WDR70: variants seen among roughly 807,000 people sequenced by gnomAD.
The protein encoded by WDR70 is WD repeat domain 70, also known as WD repeat-containing protein 70.
Under a neutral mutation model 88.6 loss-of-function variants are expected in WDR70, and 53 were observed. That is an observed-to-expected ratio of 0.60 (90% CI 0.48 to 0.75). WDR70 has a LOEUF of 0.75. WDR70 is among the 30% of genes least tolerant of loss of function. WDR70 has a pLI of 0.00. For synonymous variants in WDR70, 280 were observed against 270.0 expected (o/e 1.04, Z -0.36); for missense variants, 610 against 823.2 (o/e 0.74, Z 3.17).
At chr5:37,513,729 T>C (rs913575965) in intron 8 of WDR70, among the ~76,000 whole-genome samples, 2 of 152,272 alleles carry the variant, frequency 1.3e-5, no homozygotes, top group African/African-American at 4.8e-5. Context: ...AGACGTAGGC[T>C]GGGAGGCTAG....
intron 9 of WDR70, among the ~76,000 whole-genome samples, chr5:37,569,010 A>G (rs1439550252): frequency 6.6e-6 from 1 of 152,164 alleles, no homozygotes; most frequent in African/African-American, 2.4e-5. Flanking sequence ...CACCCCATCC[A>G]AGAGCTAGCC....
chr5:37,623,581 C>G (rs1161821219), intron 10 of WDR70, among the ~76,000 whole-genome samples: 1 of 152,116 alleles, frequency 6.6e-6, no homozygotes, highest in Non-Finnish European at 1.5e-5. Context: ...AACTTTTATA[C>G]TATTTCATAG....
chr5:37,697,816 A>G (rs1164116674), intron 11 of WDR70, 62 bp downstream of exon 11: 4 of 1,417,842 alleles, frequency 2.8e-6, no homozygotes, highest in Non-Finnish European at 4.0e-6. Context: ...TTTAACAAAT[A>G]TGACAATAAT....
chr5:37,565,474 T>C (rs1056141005), intron 9 of WDR70, among the ~76,000 whole-genome samples: 9 of 152,134 alleles, frequency 5.9e-5, no homozygotes, highest in African/African-American at 2.2e-4. Context: ...AGACATATTT[T>C]GCTGCAAAAG....
At chr5:37,678,692 A>G (rs1232812877) in intron 10 of WDR70, among the ~76,000 whole-genome samples, 1 of 152,236 alleles carries the variant, frequency 6.6e-6, no homozygotes, top group South Asian at 2.1e-4. Context: ...ACATTGGTGA[A>G]TCTGACAATT....
intron 10 of WDR70, among the ~76,000 whole-genome samples, chr5:37,633,149 A>G (rs1744865146): frequency 6.6e-6 from 1 of 152,198 alleles, no homozygotes; most frequent in Non-Finnish European, 1.5e-5. Flanking sequence ...GAAATCATCT[A>G]ACGAACACAT....
chr5:37,561,130 A>G (rs1742490285), intron 9 of WDR70, among the ~76,000 whole-genome samples: 1 of 152,162 alleles, frequency 6.6e-6, no homozygotes, highest in Non-Finnish European at 1.5e-5. Flanking sequence ...CTGTCAGGGG[A>G]AATCTACTAA....
At chr5:37,642,123 G>A (rs1306281226) in intron 10 of WDR70, among the ~76,000 whole-genome samples, 1 of 152,088 alleles carries the variant, frequency 6.6e-6, no homozygotes, top group Non-Finnish European at 1.5e-5. Context: ...TTTAACAAGT[G>A]TTTCTTCTGA....
intron 10 of WDR70, among the ~76,000 whole-genome samples, chr5:37,651,386 C>G (rs925289862): frequency 2.0e-5 from 3 of 152,120 alleles, no homozygotes; most frequent in African/African-American, 4.8e-5. Context: ...TGGGCTGGTT[C>G]CAAGTCTTTG....
chr5:37,618,233 TA>T (rs1456265767), intron 10 of WDR70, among the ~76,000 whole-genome samples: 1 of 152,218 alleles, frequency 6.6e-6, no homozygotes, highest in African/African-American at 2.4e-5. Flanking sequence ...GCAGTTAATA[TA>T]ATCTTATATT....
chr5:37,667,833 C>A (rs1745904059), intron 10 of WDR70, among the ~76,000 whole-genome samples: 1 of 111,046 alleles, frequency 9.0e-6, no homozygotes, highest in Non-Finnish European at 1.7e-5. Context: ...CCATGCTAGT[C>A]TGTACGATCT....
intron 8 of WDR70, chr5:37,506,994 G>A: frequency 1.9e-6 from 1 of 535,632 alleles, no homozygotes; most frequent in East Asian, 3.1e-5. Flanking sequence ...TGCCCTTGGG[G>A]ACACACACAC....
At chr5:37,553,879 G>A (rs1235387855) in intron 9 of WDR70, among the ~76,000 whole-genome samples, 1 of 152,158 alleles carries the variant, frequency 6.6e-6, no homozygotes, top group Non-Finnish European at 1.5e-5. Flanking sequence ...GATTGTGCGA[G>A]CATTAATTGA....
At chr5:37,474,491 C>T (rs1196800812) in intron 7 of WDR70, among the ~76,000 whole-genome samples, 1 of 152,182 alleles carries the variant, frequency 6.6e-6, no homozygotes. Flanking sequence ...AGGAATGTCA[C>T]TAGGCATGAG....
At chr5:37,588,526 C>G (rs1013398) in intron 9 of WDR70, among the ~76,000 whole-genome samples, 1 of 151,714 alleles carries the variant, frequency 6.6e-6, no homozygotes, top group African/African-American at 2.4e-5. Context: ...GCTCCCTCCC[C>G]CTTAACTTTC....
chr5:37,740,144 T>A (rs1748431006), intron 17 of WDR70, among the ~76,000 whole-genome samples: 1 of 151,968 alleles, frequency 6.6e-6, no homozygotes, highest in Non-Finnish European at 1.5e-5. Context: ...AATTAGACCA[T>A]CCCCCAGGGA....
Position 37,752,532 on chromosome 5 carries a change from G to A in WDR70, c.1924G>A (p.Glu642Lys), listed in dbSNP as rs749940806. 6.2e-7 allele frequency: 1 copy of A among 1,612,820 alleles called. No homozygotes were observed. Among genetic ancestry groups the A allele is most frequent in the South Asian group, 1.1e-5 (1 of 90,864 alleles). ...TGCCCAAGTTGAATCTGATGATGAG[G>A]AAGCAAAGAATGAGCCAGAATGGAA... Reference protein sequence around the residue: ...MFAQVESDDEEAKNEPEWKKR... With the variant: ...MFAQVESDDEKAKNEPEWKKR... The change falls in exon 18 of 18, where the codon GAA (glutamate) becomes AAA (lysine). Residue 642 changes from glutamate to lysine, a missense_variant. Glu to Lys is a moderately conservative substitution (Grantham distance 56). Transcript: ENST00000265107.
intron 7 of WDR70, among the ~76,000 whole-genome samples, chr5:37,450,861 CTATG>C (rs1354527402): frequency 1.3e-5 from 2 of 151,618 alleles, no homozygotes; most frequent in Admixed American, 6.6e-5. Flanking sequence ...GTGTCTGTGT[CTATG>C]TGTGTGTTTG....
chr5:37,620,884 T>A (rs1744488576), intron 10 of WDR70, among the ~76,000 whole-genome samples: 1 of 152,188 alleles, frequency 6.6e-6, no homozygotes, highest in Non-Finnish European at 1.5e-5. Context: ...GGGTGTTGAA[T>A]GAGCAGAGGT....
Sources: allele counts gnomAD v4.1 joint callset (sites outside exome capture counted in the v4.1 genomes callset), GRCh38; gene constraint gnomAD v4.1.1; transcripts MANE v1.5; gene names NCBI Gene and HGNC (gene_info 2026-07-23, HGNC 2026-07-21).